Variants in PCDH7 observed in about 807,000 individuals in gnomAD.
The protein encoded by PCDH7 is protocadherin-7.
PCDH7 carries 17 observed loss-of-function variants against 58.9 expected under a neutral mutation model. The observed-to-expected ratio is 0.29, with a 90% CI of 0.20 to 0.43. The LOEUF is 0.43. Among genes scored for constraint, PCDH7 ranks in the 20% least tolerant of loss-of-function variants. PCDH7 has a pLI of 1.00. For synonymous variants in PCDH7, 664 were observed against 616.4 expected (o/e 1.08, Z -1.14); for missense variants, 1,274 against 1,441.0 (o/e 0.88, Z 1.88).
chr4:30,748,879 A>G (rs536127227), intron 1 of PCDH7, among the ~76,000 whole-genome samples: 3 of 152,160 alleles, frequency 2.0e-5, no homozygotes, highest in Non-Finnish European at 4.4e-5. Flanking sequence ...CACTGAATGG[A>G]CAGCCTGATG....
At chr4:30,850,147 C>A (rs1213670804) in intron 1 of PCDH7, among the ~76,000 whole-genome samples, 1 of 152,082 alleles carries the variant, frequency 6.6e-6, no homozygotes, top group Non-Finnish European at 1.5e-5. Context: ...ACAAGTACAA[C>A]TGAATTACAC....
chr4:30,930,886 C>A (rs923577673), intron 2 of PCDH7, among the ~76,000 whole-genome samples: 1 of 152,196 alleles, frequency 6.6e-6, no homozygotes, highest in Admixed American at 6.5e-5. Context: ...CTGCAGTGAG[C>A]TTTTTGTGTG....
intron 1 of PCDH7, among the ~76,000 whole-genome samples, chr4:30,788,645 A>G (rs2109296451): frequency 6.6e-6 from 1 of 152,160 alleles, no homozygotes; most frequent in East Asian, 1.9e-4. Flanking sequence ...CTTTTAGAAT[A>G]CACTCTCTAC....
At chr4:31,012,289 T>C (rs1753254359) in intron 3 of PCDH7, among the ~76,000 whole-genome samples, 1 of 152,144 alleles carries the variant, frequency 6.6e-6, no homozygotes, top group African/African-American at 2.4e-5. Flanking sequence ...CAAGGTTATA[T>C]AAATAATATT....
intron 3 of PCDH7, among the ~76,000 whole-genome samples, chr4:30,990,754 G>T (rs1751401770): frequency 6.6e-6 from 1 of 152,018 alleles, no homozygotes; most frequent in African/African-American, 2.4e-5. Context: ...ATTTTCAAGA[G>T]CTAAAAGTGG....
intron 3 of PCDH7, among the ~76,000 whole-genome samples, chr4:31,004,456 T>C (rs1312513792): frequency 6.6e-6 from 1 of 152,128 alleles, no homozygotes; most frequent in African/African-American, 2.4e-5. Context: ...ACACCTGTAA[T>C]CCCAGCACTT....
chr4:30,937,348 A>AT (rs1009113621), intron 2 of PCDH7, among the ~76,000 whole-genome samples: 21 of 152,076 alleles, frequency 1.4e-4, no homozygotes, highest in African/African-American at 5.1e-4. Context: ...TAGATAATCC[A>AT]TTTTAAATAA....
chr4:30,849,820 A>T (rs920473142), intron 1 of PCDH7, among the ~76,000 whole-genome samples: 3 of 152,110 alleles, frequency 2.0e-5, no homozygotes, highest in African/African-American at 7.2e-5. Context: ...TCCAAGGCAG[A>T]ATAGGTTCTC....
intron 3 of PCDH7, among the ~76,000 whole-genome samples, chr4:31,055,665 C>T (rs1318813983): frequency 6.6e-6 from 1 of 151,986 alleles, no homozygotes; most frequent in South Asian, 2.1e-4. Context: ...CAACCTCCAC[C>T]TCACGGGTTC....
At chr4:30,896,974 G>A (rs1226209059) in intron 1 of PCDH7, among the ~76,000 whole-genome samples, 8 of 135,112 alleles carry the variant, frequency 5.9e-5, no homozygotes, top group African/African-American at 1.7e-4. Context: ...GCAGGATCTC[G>A]GCTCACTGCA....
intron 3 of PCDH7, among the ~76,000 whole-genome samples, chr4:30,965,756 A>G (rs997964453): frequency 6.6e-6 from 1 of 152,070 alleles, no homozygotes; most frequent in Non-Finnish European, 1.5e-5. Context: ...CTGTTCTTGC[A>G]TCTGTATCTT....
At chr4:30,815,253 A>G (rs956054595) in intron 1 of PCDH7, among the ~76,000 whole-genome samples, 22 of 152,016 alleles carry the variant, frequency 1.4e-4, no homozygotes, top group African/African-American at 4.8e-4. Context: ...GGTCTGCAAC[A>G]ACTGGATTCT....
chr4:30,819,767 C>T (rs985623816), intron 1 of PCDH7, among the ~76,000 whole-genome samples: 3 of 152,076 alleles, frequency 2.0e-5, no homozygotes, highest in African/African-American at 7.2e-5. Context: ...ACAAAGAGCT[C>T]ACTCTTTTTT....
In PCDH7 at chr4:30,784,017, G is replaced by A. The variant is rs965196731; in HGVS notation, c.70+59421G>A. Among the ~76,000 whole-genome samples, 6 of 151,992 alleles carry A rather than the reference G, an allele frequency of 3.9e-5. No homozygotes were observed. The Admixed American group carries it at 3.9e-4, about 10-fold the overall frequency. On this transcript the variant is annotated intron_variant, in intron 1 of 3. Transcript: ENST00000509759. ...ACAAATCCAGGAGAAAGGTTGAAAG[G>A]CAAAGACAAAGGCCATGTCTATACA...
chr4:30,858,408 T>C (rs1294541960), intron 1 of PCDH7, among the ~76,000 whole-genome samples: 3 of 152,168 alleles, frequency 2.0e-5, no homozygotes, highest in Non-Finnish European at 4.4e-5. Flanking sequence ...TAATTTTCTG[T>C]TTTATTTCCA....
intron 1 of PCDH7, among the ~76,000 whole-genome samples, chr4:30,815,770 C>A (rs1267644077): frequency 6.6e-6 from 1 of 152,214 alleles, no homozygotes; most frequent in African/African-American, 2.4e-5. Context: ...TCACTAGCTT[C>A]AAGTTTTTCT....
At chr4:30,878,266 A>G (rs1736535030) in intron 1 of PCDH7, among the ~76,000 whole-genome samples, 1 of 152,044 alleles carries the variant, frequency 6.6e-6, no homozygotes, top group South Asian at 2.1e-4. Flanking sequence ...GTGGAGAGTA[A>G]AGGGCAAGGG....
At position 30,755,812 on chromosome 4, in the gene PCDH7, G is replaced by T. The variant is rs189584559; in HGVS notation, c.70+31216G>T. On this transcript the variant is annotated intron_variant, in intron 1 of 3. Transcript: ENST00000509759. ...AAACATGGTGGAGGCCAGGTGCGGT[G>T]GCTCACACCTGTAATCCCAGCACTT... Among the ~76,000 whole-genome samples, 48 of 152,182 alleles carry T rather than the reference G, an allele frequency of 3.2e-4. 1 individual carries two copies. The East Asian group carries it at 7.6e-3, about 24-fold the overall frequency.
intron 3 of PCDH7, among the ~76,000 whole-genome samples, chr4:31,007,681 T>C (rs775102027): frequency 2.7e-4 from 41 of 152,112 alleles, no homozygotes; most frequent in Non-Finnish European, 4.9e-4. Context: ...TATATGCTAA[T>C]GGAAATTACT....
Sources: allele counts gnomAD v4.1 joint callset (sites outside exome capture counted in the v4.1 genomes callset), GRCh38; gene constraint gnomAD v4.1.1; transcripts MANE v1.5; gene names NCBI Gene and HGNC (gene_info 2026-07-23, HGNC 2026-07-21).